Variants in GTPBP1 observed in about 807,000 individuals in gnomAD.
GTPBP1 encodes GTP-binding protein 1.
Under a neutral mutation model 62.0 loss-of-function variants are expected in GTPBP1, and 23 were observed. The observed-to-expected ratio is 0.37, with a 90% CI of 0.27 to 0.53. The LOEUF (loss-of-function observed/expected upper bound fraction) is 0.53. Ranked by LOEUF, GTPBP1 falls within the 20% of genes least tolerant of loss-of-function variation. The probability of loss-of-function intolerance (pLI) is 0.89; values close to 1 mark genes in which losing one functional copy is unlikely to be tolerated. For missense variants in GTPBP1, 640 were observed against 917.3 expected, an observed-to-expected ratio of 0.70 and a Z score of 3.90; for synonymous variants, 344 against 364.4, an observed-to-expected ratio of 0.94 and a Z score of 0.64.
intron 2 of GTPBP1, among the ~76,000 whole-genome samples, chr22:38,713,463 T>G (rs1418438827): frequency 6.6e-6 from 1 of 152,120 alleles, no homozygotes; most frequent in Non-Finnish European, 1.5e-5. Context: ...AATAACAGCC[T>G]GAATCAGGCT....
chr22:38,711,212 T>G (rs2092637336), intron 2 of GTPBP1, among the ~76,000 whole-genome samples: 1 of 152,192 alleles, frequency 6.6e-6, no homozygotes, highest in African/African-American at 2.4e-5. Context: ...TCATCCTACC[T>G]CAGAGAAATT....
rs116974304 is a variant in GTPBP1 at position 38,730,128 on chromosome 22, G to A, written c.1917+466G>A. On this transcript the variant is annotated intron_variant, in intron 11 of 11. Transcript: ENST00000216044. This position sits in a 1 kb window ranked among gnomAD's most constrained non-coding sequence, Gnocchi z 5.6. The stretch of plus-strand genomic sequence containing the variant: ...GGATGTGCCAGTGCGCCTCTTACTC[G>A]GCATCTCCTGCCAGCTGTCTCCCAC... Among the ~76,000 whole-genome samples the A allele has an allele frequency of 8.8e-4, 134 of 152,166 alleles. 3 individuals are homozygous for A. In the East Asian group the frequency reaches 0.024, roughly 27 times the overall value.
At position 38,727,084 on chromosome 22, in the gene GTPBP1, C is replaced by A. The variant is rs995441616; in HGVS notation, c.1402-129C>A. Reference sequence around the variant, plus strand: ...TGTCCACCCTAGAAGGCCTGTGGTCCAGTTGGTGAGGAAACCAGGCAGAGT... The same window carrying A: ...TGTCCACCCTAGAAGGCCTGTGGTCAAGTTGGTGAGGAAACCAGGCAGAGT... On this transcript the variant is annotated intron_variant, in intron 8 of 11. Coordinates refer to ENST00000216044, the MANE Select transcript of GTPBP1 (RefSeq NM_004286.5). This position sits in a 1 kb window ranked among gnomAD's most constrained non-coding sequence, Gnocchi z 6.5. 2 of 848,568 alleles carry A rather than the reference C, an allele frequency of 2.4e-6. No homozygotes were observed. Among genetic ancestry groups the A allele is most frequent in the Non-Finnish European group, 3.6e-6 (2 of 562,046 alleles). 52.6% of individuals were successfully genotyped at this position (848,568 alleles called of 1,614,324 possible).
At chr22:38,714,756 A>G (rs2092660214) in intron 2 of GTPBP1, among the ~76,000 whole-genome samples, 1 of 152,122 alleles carries the variant, frequency 6.6e-6, no homozygotes, top group Non-Finnish European at 1.5e-5. Context: ...GTGCGGGGGA[A>G]GAGAGTCACA....
At chr22:38,723,622 C>T (rs2092712325) in intron 5 of GTPBP1, 3 of 509,426 alleles carry the variant, frequency 5.9e-6, no homozygotes, top group Admixed American at 6.9e-5. Context: ...CTGAACACAG[C>T]CTAGAATTAT....
At chr22:38,741,227 T>TG (rs1395274476), downstream of GTPBP1, among the ~76,000 whole-genome samples, 3 of 151,366 alleles carry the variant, frequency 2.0e-5, no homozygotes, top group Non-Finnish European at 4.4e-5. Context: ...GTCTCGTCCA[T>TG]GTCTGACACA....
chr22:38,713,942 G>T (rs1385783780), intron 2 of GTPBP1, among the ~76,000 whole-genome samples: 1 of 152,158 alleles, frequency 6.6e-6, no homozygotes, highest in Non-Finnish European at 1.5e-5. Context: ...GACAGCCAAA[G>T]CCATAGAACA....
At chr22:38,729,265 G>A (rs151323079) in intron 10 of GTPBP1, 197 bp from the exon 11 acceptor site, 100 of 518,858 alleles carry the variant, frequency 1.9e-4, no homozygotes, top group Non-Finnish European at 3.1e-4. Context: ...GCAGTCCTCA[G>A]CCACTGAGTG....
Position 38,721,774 on chromosome 22 carries a change from C to A in GTPBP1, c.867C>A (p.Thr289=). Residue 289 remains threonine (T), a synonymous_variant, in exon 5 of 12, where the codon ACC becomes ACA. Transcript: ENST00000216044. Reference sequence around the variant, plus strand: ...GCAATGCTGGCATCGTGGGGATGACCAAAGAACACCTGGGCTTGGCACTGG... The same window carrying A: ...GCAATGCTGGCATCGTGGGGATGACAAAAGAACACCTGGGCTTGGCACTGG... ...VGSNAGIVGM[T]KEHLGLALAL... is the part of the protein sequence containing the mutation. 4 of 1,612,610 alleles carry A rather than the reference C, an allele frequency of 2.5e-6. No homozygotes were observed. The highest frequency in any genetic ancestry group is 3.4e-6 in the Non-Finnish European group (4 of 1,178,826).
At position 38,730,296 on chromosome 22, in the gene GTPBP1, TC is replaced by T. The variant is rs1348384740; in HGVS notation, c.1918-314del. On this transcript the variant is annotated intron_variant, in intron 11 of 11. Coordinates refer to ENST00000216044, the MANE Select transcript of GTPBP1 (RefSeq NM_004286.5). This position sits in a 1 kb window ranked among gnomAD's most constrained non-coding sequence, Gnocchi z 5.6. ...CTGTTATCTGTCTCCCATGGGTCTTTCCTCTGGTTCGTTCGCTTCCTTTCTC... is the reference window on the plus strand; with the variant it reads ...CTGTTATCTGTCTCCCATGGGTCTTTCTCTGGTTCGTTCGCTTCCTTTCTC... Among the ~76,000 whole-genome samples the T allele has an allele frequency of 6.6e-6, 1 of 152,222 alleles. No individual in the cohort carries two copies. Among genetic ancestry groups the T allele is most frequent in the Non-Finnish European group, 1.5e-5 (1 of 68,038 alleles).
Position 38,727,951 on chromosome 22 carries a change from C to T in GTPBP1, c.1538-32C>T. 1 of 1,587,904 alleles carries T rather than the reference C, an allele frequency of 6.3e-7. No individual in the cohort carries two copies. Among genetic ancestry groups the T allele is most frequent in the Non-Finnish European group, 8.6e-7 (1 of 1,157,024 alleles). ...TTGTCCTGAAGCCACCAGGTGGCTC[C>T]AGCCTATCCTGACCTCTGGCTTCCT... is the stretch of plus-strand genomic sequence containing the variant. On this transcript the variant is annotated intron_variant, in intron 9 of 11. Transcript: ENST00000216044. This position sits in a 1 kb window ranked among gnomAD's most constrained non-coding sequence, Gnocchi z 6.5.
intron 2 of GTPBP1, among the ~76,000 whole-genome samples, chr22:38,715,109 A>C (rs1476662108): frequency 6.6e-6 from 1 of 152,174 alleles, no homozygotes; most frequent in Non-Finnish European, 1.5e-5. Context: ...CTGCATTATT[A>C]GAATTACTTC....
chr22:38,709,307 ATTAT>A (rs1172339246), intron 2 of GTPBP1, among the ~76,000 whole-genome samples: 1 of 152,078 alleles, frequency 6.6e-6, no homozygotes, highest in East Asian at 1.9e-4. Flanking sequence ...AAAAAAAGAA[ATTAT>A]TTAGAGCACA....
chr22:38,725,880 A>G (rs2049539745), intron 6 of GTPBP1, 126 bp from the exon 7 acceptor site: 2 of 837,074 alleles, frequency 2.4e-6, no homozygotes, highest in African/African-American at 1.7e-5. Context: ...GGTGAGGGAG[A>G]GGTGGAGTCA....
At chr22:38,741,388 T>G (rs1345423570), downstream of GTPBP1, 7 of 1,186,804 alleles carry the variant, frequency 5.9e-6, no homozygotes, top group African/African-American at 9.0e-5. Flanking sequence ...CCCCTCCCCA[T>G]GCAACACCCA....
At chr22:38,708,453 A>G (rs2092618987) in intron 1 of GTPBP1, among the ~76,000 whole-genome samples, 1 of 152,168 alleles carries the variant, frequency 6.6e-6, no homozygotes, top group African/African-American at 2.4e-5. Context: ...TATATGAGGT[A>G]TATGTCTTGT....
In GTPBP1 at chr22:38,726,083, C is replaced by T; in HGVS notation, c.1151C>T (p.Ser384Phe). The change falls in exon 7 of 12, where the codon TCC becomes TTC. Residue 384 changes from serine (S) to phenylalanine (F), a missense_variant. By Grantham distance (155) the Ser-to-Phe change is radical. This residue lies in a region of GTPBP1 where 220 missense variants were observed against 358.1 expected (regional missense o/e 0.61). Transcript: ENST00000216044. This position sits in a 1 kb window ranked among gnomAD's most constrained non-coding sequence, Gnocchi z 4.1. ...CTGAAGATGTTCCTCAACCTCCTCT[C>T]CCCCCGCACCAGCTACAGGGAGGAG... ...DLLKMFLNLL[S>F]PRTSYREEEP... 3 of 1,613,800 alleles carry T rather than the reference C, an allele frequency of 1.9e-6. No homozygotes were observed. The highest frequency in any genetic ancestry group is 2.5e-6 in the Non-Finnish European group (3 of 1,179,714).
Position 38,731,043 on chromosome 22 carries a change from T to G in GTPBP1, c.*339T>G, listed in dbSNP as rs1603202792. ...GTGTGTGTGTGTGTGTGTGTGTGTG[T>G]GTGTGTGGTGCAGGAGTGCCACCCC... is the stretch of plus-strand genomic sequence containing the variant. On this transcript the variant is annotated 3_prime_UTR_variant, in exon 12 of 12. Coordinates refer to ENST00000216044, the MANE Select transcript of GTPBP1 (RefSeq NM_004286.5). 2 of 239,658 alleles carry G rather than the reference T, an allele frequency of 8.3e-6. No individual in the cohort carries two copies. The highest frequency in any genetic ancestry group is 1.2e-4 in the South Asian group (2 of 16,132). 14.8% of individuals were successfully genotyped at this position (239,658 alleles called of 1,614,324 possible).
At position 38,708,825 on chromosome 22, in the gene GTPBP1, G is replaced by A; in HGVS notation, c.193-20G>A. ...CTCTTCTAGCAAGTGTGGTCCTAAG[G>A]CTGTTGGTTTCTTTTCTAGCTGGTT... On this transcript the variant is annotated intron_variant, in intron 1 of 11. Coordinates refer to ENST00000216044, the MANE Select transcript of GTPBP1 (RefSeq NM_004286.5). 1.5e-6 allele frequency: 2 copies of A among 1,353,108 alleles called. No individual in the cohort carries two copies. The highest frequency in any genetic ancestry group is 2.1e-6 in the Non-Finnish European group (2 of 941,496). 83.8% of individuals were successfully genotyped at this position (1,353,108 alleles called of 1,614,324 possible). A position where few individuals can be genotyped will look rare whatever the true frequency, so the allele number is the denominator to read the frequency against.
Sources: gnomAD v4.1 joint callset for allele counts (sites outside exome capture counted in the v4.1 genomes callset) on GRCh38, gnomAD v4.1.1 for gene constraint, gnomAD v4.1.1 regional missense constraint, Gnocchi (gnomAD v3.1) non-coding constraint, MANE v1.5 for transcripts, NCBI Gene and HGNC (gene_info 2026-07-23, HGNC 2026-07-21) for gene names.